The following CARD8 variants were observed in gnomAD, a reference collection of about 807,000 sequenced individuals.
The protein encoded by CARD8 is caspase recruitment domain family member 8.
A neutral mutation model predicts 53.2 loss-of-function variants in CARD8; 38 were observed. The observed-to-expected ratio is 0.71, with a 90% confidence interval of 0.55 to 0.94. The LOEUF is 0.94. Among genes scored for constraint, CARD8 ranks in the 40% least tolerant of loss-of-function variants. CARD8 has a pLI of 0.00. For missense variants in CARD8, 561 were observed against 655.5 expected (o/e 0.86, Z 1.57); for synonymous variants, 245 against 244.9 (o/e 1.00, Z 0.00).
At chr19:48,215,120 T>C in intron 13 of CARD8, 1 of 431,266 alleles carries the variant, frequency 2.3e-6, no homozygotes, top group East Asian at 4.1e-5. Flanking sequence ...ATAAACTTTC[T>C]CTCCTGCTCT....
chr19:48,230,373 G>A, intron 10 of CARD8, 65 bp downstream of exon 10: 6 of 1,520,798 alleles, frequency 3.9e-6, no homozygotes, highest in Non-Finnish European at 5.3e-6. Context: ...GAACTGGAGG[G>A]GCCAAGGGGA....
chr19:48,232,812 T>C (rs1033165031), intron 6 of CARD8: 3 of 518,914 alleles, frequency 5.8e-6, no homozygotes, highest in African/African-American at 5.7e-5. Flanking sequence ...AGAAGACATT[T>C]TGAATGAAGA....
At position 48,210,705 on chromosome 19, in the gene CARD8, G is replaced by GT. The variant is rs1568613183; in HGVS notation, c.*1004dup. On this transcript the variant is annotated 3_prime_UTR_variant, in exon 14 of 14. Transcript: ENST00000651546. ...CTAACATATTAATAATTACATTAAC[G>GT]TAAGTAATTGAAATCTTCCAGTTAA... 1 of 152,046 alleles carries GT rather than the reference G, an allele frequency of 6.6e-6. No homozygotes were observed. Among genetic ancestry groups the GT allele is most frequent in the Non-Finnish European group, 1.5e-5 (1 of 67,990 alleles). 9.4% of individuals were successfully genotyped at this position (152,046 alleles called of 1,614,324 possible). A position where few individuals can be genotyped will look rare whatever the true frequency, so the allele number is the denominator to read the frequency against.
chr19:48,204,120 T>TG (rs1399270684), downstream of CARD8: 13 of 453,840 alleles, frequency 2.9e-5, no homozygotes, highest in Non-Finnish European at 5.3e-5. Flanking sequence ...CCAAAGGGTC[T>TG]GGGCGCCGGG....
chr19:48,243,370 C>A (rs553585478), intron 3 of CARD8, among the ~76,000 whole-genome samples: 13 of 152,166 alleles, frequency 8.5e-5, no homozygotes, highest in African/African-American at 3.1e-4. Context: ...TTTATTTTAC[C>A]ACCACTGAAT....
rs537485303 is a variant in CARD8 at position 48,238,625 on chromosome 19, G to A, written c.60-93C>T. On this transcript the variant is annotated intron_variant, in intron 4 of 13. Transcript: ENST00000651546. ...CACTGTGATGTAGCGAAAGTAGCCC[G>A]ATCCTTAGAGATATCCATCCTTAGA... is the stretch of plus-strand genomic sequence containing the variant. 3.2e-5 allele frequency: 37 copies of A among 1,154,474 alleles called. No homozygotes were observed. In the African/African-American group the frequency reaches 3.6e-4, roughly 11 times the overall value. The allele number at this position is 1,154,474 out of a possible 1,614,324, so 71.5% of individuals were successfully genotyped here.
chr19:48,246,831 G>A (rs1600697678), intron 3 of CARD8, among the ~76,000 whole-genome samples: 2 of 152,314 alleles, frequency 1.3e-5, no homozygotes, highest in African/African-American at 4.8e-5. Context: ...TGGGAAATCT[G>A]ACATTCTGAT....
intron 11 of CARD8, among the ~76,000 whole-genome samples, chr19:48,219,217 C>T (rs994450907): frequency 2.0e-5 from 3 of 152,188 alleles, no homozygotes; most frequent in Non-Finnish European, 2.9e-5. Context: ...AATAACCTAG[C>T]TGTCAACACC....
downstream of CARD8, chr19:48,204,304 G>C (rs1599947488): frequency 4.8e-6 from 2 of 418,434 alleles, no homozygotes; most frequent in South Asian, 3.4e-5. Flanking sequence ...AACAGCCTGG[G>C]AACTGGAGGG....
At chr19:48,248,990 G>C (rs1202159189) in intron 3 of CARD8, among the ~76,000 whole-genome samples, 1 of 152,158 alleles carries the variant, frequency 6.6e-6, no homozygotes, top group Non-Finnish European at 1.5e-5. Context: ...CTGAGATCAG[G>C]AGTTCGAAGC....
At chr19:48,221,704 C>T (rs1436500832) in intron 11 of CARD8, 26 bp downstream of exon 11, 1 of 1,492,928 alleles carries the variant, frequency 6.7e-7, no homozygotes, top group Admixed American at 2.0e-5. Context: ...CTGAAACCTG[C>T]TGAGTTGGGT....
At chr19:48,226,330 T>C (rs1267004537) in intron 10 of CARD8, among the ~76,000 whole-genome samples, 1 of 152,174 alleles carries the variant, frequency 6.6e-6, no homozygotes, top group African/African-American at 2.4e-5. Context: ...TTCAAGCAAT[T>C]CTCATGCCTC....
At chr19:48,243,613 T>G (rs1049428981) in intron 3 of CARD8, among the ~76,000 whole-genome samples, 1 of 152,230 alleles carries the variant, frequency 6.6e-6, no homozygotes, top group Non-Finnish European at 1.5e-5. Context: ...TAAGTATCGT[T>G]ATTCCAGAGT....
In CARD8 at chr19:48,211,848, T is replaced by C. The variant is rs764663963; in HGVS notation, c.1476A>G (p.Glu492=). 26 of 1,614,180 alleles carry C rather than the reference T, an allele frequency of 1.6e-5. No individual in the cohort carries two copies. The highest frequency in any genetic ancestry group is 2.2e-5 in the Non-Finnish European group (26 of 1,180,042). ...TENEKELVEQ[E]KTRQSKNEAL... ...CCTCATTCTTGCTCTGCCGTGTCTT[T>C]TCCTGCTCCACCAGCTCCTTCTCAT... is the stretch of plus-strand genomic sequence containing the variant. The change falls in exon 14 of 14, where the codon GAA becomes GAG. Residue 492 remains glutamate (E), a synonymous_variant. Transcript: ENST00000651546.
chr19:48,215,642 G>A (rs927238984), intron 12 of CARD8, among the ~76,000 whole-genome samples: 1 of 151,984 alleles, frequency 6.6e-6, no homozygotes, highest in Non-Finnish European at 1.5e-5. Flanking sequence ...GGAACTATGG[G>A]GCTACAAAAA....
Position 48,230,765 on chromosome 19 carries a change from AC to A in CARD8, c.772+11del. The A allele has an allele frequency of 6.2e-7, 1 of 1,613,436 alleles. No homozygotes were observed. The highest frequency in any genetic ancestry group is 8.5e-7 in the Non-Finnish European group (1 of 1,179,504). On this transcript the variant is annotated intron_variant, in intron 9 of 13. Transcript: ENST00000651546. ...CCAGCGGCCCCCACAGCCTCCGCTC[AC>A]CCCACATTACCTTGGAGGGAGATGA...
chr19:48,207,741 T>TTTGTTTTGTTTTTTG (rs1480351514), downstream of CARD8, among the ~76,000 whole-genome samples: 1 of 100,704 alleles, frequency 9.9e-6, no homozygotes, highest in African/African-American at 3.4e-5. Context: ...TCTGTTTTTT[T>TTTGTTTTGTTTTTTG]TTTTTTTTTT....
Position 48,253,907 on chromosome 19 carries a change from G to C in CARD8, c.-252+1885C>G, listed in dbSNP as rs16981897. Among the ~76,000 whole-genome samples the C allele has an allele frequency of 4.5e-4, 68 of 152,192 alleles. No homozygotes were observed. The East Asian group carries it at 0.013, about 29-fold the overall frequency. The stretch of plus-strand genomic sequence containing the variant: ...GTAAAGATATAAAAAATTGACCAAA[G>C]CAATTCATATTCTTGACTTAAGTGC... On this transcript the variant is annotated intron_variant, in intron 1 of 13. Coordinates refer to ENST00000651546, the MANE Select transcript of CARD8 (RefSeq NM_001184900.3).
Position 48,211,839 on chromosome 19 carries a change from C to T in CARD8, c.1485G>A (p.Arg495=), listed in dbSNP as rs1568623180. 1 of 1,614,138 alleles carries T rather than the reference C, an allele frequency of 6.2e-7. No homozygotes were observed. The highest frequency in any genetic ancestry group is 1.3e-5 in the African/African-American group (1 of 75,018). Residue 495 remains arginine (R), a synonymous_variant, in exon 14 of 14, where the codon CGG becomes CGA. Transcript: ENST00000651546. Reference sequence around the variant, plus strand: ...TCAGCAAGGCCTCATTCTTGCTCTGCCGTGTCTTTTCCTGCTCCACCAGCT... The same window carrying T: ...TCAGCAAGGCCTCATTCTTGCTCTGTCGTGTCTTTTCCTGCTCCACCAGCT... ...EKELVEQEKT[R]QSKNEALLSM... is the part of the protein sequence containing the mutation.
Sources: gnomAD v4.1 joint callset for allele counts (sites outside exome capture counted in the v4.1 genomes callset) on GRCh38, gnomAD v4.1.1 for gene constraint, MANE v1.5 for transcripts, NCBI Gene and HGNC (gene_info 2026-07-23, HGNC 2026-07-21) for gene names.